Variants in CDH18 observed in about 807,000 individuals in gnomAD.
CDH18 encodes cadherin 18, also known as cadherin-18.
A neutral mutation model predicts 67.9 loss-of-function variants in CDH18; 31 were observed. That is an observed-to-expected ratio of 0.46 (90% CI 0.34 to 0.62). The LOEUF (loss-of-function observed/expected upper bound fraction) is 0.62, where lower values mean the gene tolerates loss of function less well. Among genes scored for constraint, CDH18 ranks in the 20% least tolerant of loss-of-function variants. The probability of loss-of-function intolerance (pLI) is 0.01; values close to 1 mark genes in which losing one functional copy is unlikely to be tolerated. For missense variants in CDH18, 890 were observed against 975.5 expected (o/e 0.91, Z 1.17); for synonymous variants, 362 against 347.2 (o/e 1.04, Z -0.48).
At chr5:20,504,072 T>G (rs570385547) in intron 1 of CDH18, among the ~76,000 whole-genome samples, 8 of 151,706 alleles carry the variant, frequency 5.3e-5, no homozygotes, top group Admixed American at 5.3e-4. Context: ...GAGTTAGTAC[T>G]GCTGCTACAA....
chr5:20,565,469 G>A (rs1758449254), intron 1 of CDH18, among the ~76,000 whole-genome samples: 1 of 151,990 alleles, frequency 6.6e-6, no homozygotes, highest in Non-Finnish European at 1.5e-5. Flanking sequence ...CTATTCCTCT[G>A]GAATCTCTCC....
chr5:19,874,801 G>A (rs538375093), intron 2 of CDH18, among the ~76,000 whole-genome samples: 4 of 152,330 alleles, frequency 2.6e-5, no homozygotes, highest in Non-Finnish European at 5.9e-5. Context: ...CATAACAATA[G>A]TAAATGGAAC....
intron 2 of CDH18, among the ~76,000 whole-genome samples, chr5:20,089,278 C>A (rs969223981): frequency 6.6e-6 from 1 of 151,764 alleles, no homozygotes; most frequent in Non-Finnish European, 1.5e-5. Flanking sequence ...CAACATGGTA[C>A]CCTGGTAAAA....
Position 20,241,716 on chromosome 5 carries a change from T to C in CDH18, c.-518+13728A>G, listed in dbSNP as rs564136918. Among the ~76,000 whole-genome samples the C allele has an allele frequency of 3.6e-4, 55 of 151,116 alleles. 2 individuals are homozygous for C. The South Asian group carries it at 8.4e-3, about 23-fold the overall frequency. On this transcript the variant is annotated intron_variant, in intron 2 of 14. Coordinates refer to the CDH18 transcript ENST00000507958. ...AATACAAAAAATTAGCCAGGCGTGG[T>C]TGGGGGGCGCCTGTAGTCCCAGCTA...
intron 7 of CDH18, among the ~76,000 whole-genome samples, chr5:19,576,401 A>AAT (rs3036744): frequency 6.6e-6 from 1 of 152,108 alleles, no homozygotes; most frequent in African/African-American, 2.4e-5. Flanking sequence ...CAAAAAAAAA[A>AAT]TACAAATCAC....
intron 1 of CDH18, among the ~76,000 whole-genome samples, chr5:20,409,709 A>C (rs2150141651): frequency 6.6e-6 from 1 of 151,734 alleles, no homozygotes; most frequent in African/African-American, 2.4e-5. Flanking sequence ...TCAACATCAA[A>C]ACTGAGTTAA....
intron 2 of CDH18, among the ~76,000 whole-genome samples, chr5:20,252,180 C>T (rs922840209): frequency 6.6e-6 from 1 of 151,818 alleles, no homozygotes; most frequent in South Asian, 2.1e-4. Context: ...GTAAAACCCC[C>T]TTTCTACTAA....
At chr5:19,624,834 A>T (rs114109440) in intron 5 of CDH18, among the ~76,000 whole-genome samples, 1 of 152,180 alleles carries the variant, frequency 6.6e-6, no homozygotes, top group Admixed American at 6.5e-5. Context: ...TTAAGGTTGC[A>T]TGCTACACTG....
intron 2 of CDH18, among the ~76,000 whole-genome samples, chr5:20,002,348 T>A (rs933181029): frequency 6.6e-6 from 1 of 152,210 alleles, no homozygotes; most frequent in East Asian, 1.9e-4. Context: ...AGACTTTGGA[T>A]AGAGACTAAC....
intron 1 of CDH18, among the ~76,000 whole-genome samples, chr5:20,447,299 A>G (rs931744743): frequency 2.6e-5 from 4 of 151,742 alleles, no homozygotes; most frequent in Non-Finnish European, 5.9e-5. Context: ...GGCCAATGTG[A>G]TGTTATTAAG....
chr5:19,930,320 G>A (rs1019454485), intron 2 of CDH18, among the ~76,000 whole-genome samples: 1 of 151,906 alleles, frequency 6.6e-6, no homozygotes, highest in Non-Finnish European at 1.5e-5. Flanking sequence ...GCTAAATGGA[G>A]AGCGAGCAAG....
intron 7 of CDH18, among the ~76,000 whole-genome samples, chr5:19,578,554 C>A (rs559020775): frequency 6.6e-6 from 1 of 150,876 alleles, no homozygotes; most frequent in South Asian, 2.1e-4. Flanking sequence ...TTTTTTTAAA[C>A]TTTCCTTCCA....
intron 5 of CDH18, among the ~76,000 whole-genome samples, chr5:19,703,113 C>T (rs1397639448): frequency 1.3e-5 from 2 of 152,190 alleles, no homozygotes; most frequent in African/African-American, 4.8e-5. Flanking sequence ...ACTCCGCACT[C>T]CATATTTCTC....
chr5:20,488,185 T>C (rs928113150), intron 1 of CDH18, among the ~76,000 whole-genome samples: 1 of 152,272 alleles, frequency 6.6e-6, no homozygotes, highest in African/African-American at 2.4e-5. Flanking sequence ...ATTGGAAATC[T>C]AAAGGTTTGA....
In CDH18 at chr5:19,816,877, G is replaced by T. The variant is rs545671892; in HGVS notation, c.228+21882C>A. 6.6e-5 allele frequency among the ~76,000 whole-genome samples: 10 copies of T among 151,740 alleles called. No individual in the cohort carries two copies. The East Asian group carries it at 1.7e-3, about 26-fold the overall frequency. On this transcript the variant is annotated intron_variant, in intron 3 of 12. Transcript: ENST00000382275. The stretch of plus-strand genomic sequence containing the variant: ...ATAATTTCAGTCAAAAGAGTGCAAA[G>T]AATTACTATATTAAAATAATAATTT...
chr5:19,711,870 T>C (rs1581006943), intron 5 of CDH18, among the ~76,000 whole-genome samples: 1 of 152,080 alleles, frequency 6.6e-6, no homozygotes, highest in Non-Finnish European at 1.5e-5. Flanking sequence ...TATACCCATA[T>C]GTTTATTTAG....
At chr5:19,805,752 T>C (rs747902863) in intron 3 of CDH18, among the ~76,000 whole-genome samples, 5 of 152,148 alleles carry the variant, frequency 3.3e-5, no homozygotes, top group Admixed American at 1.3e-4. Flanking sequence ...GTGTCAATTC[T>C]ACATCTTAAA....
chr5:19,521,697 A>C (rs1746920262), intron 9 of CDH18, among the ~76,000 whole-genome samples: 1 of 124,382 alleles, frequency 8.0e-6, no homozygotes, highest in Non-Finnish European at 1.8e-5. Context: ...ATGGGTTAAA[A>C]AGTGTCAAGT....
chr5:20,201,868 T>C (rs930054860), intron 2 of CDH18, among the ~76,000 whole-genome samples: 1 of 152,124 alleles, frequency 6.6e-6, no homozygotes, highest in African/African-American at 2.4e-5. Flanking sequence ...AACTGCTAGC[T>C]TGAGTCAAAA....
Sources: allele counts gnomAD v4.1 joint callset (sites outside exome capture counted in the v4.1 genomes callset), GRCh38; gene constraint gnomAD v4.1.1; transcripts MANE v1.5; gene names NCBI Gene and HGNC (gene_info 2026-07-23, HGNC 2026-07-21).